Variants in PRAMEF11 observed in about 807,000 individuals in gnomAD.
PRAMEF11 encodes the protein PRAME family member 11.
A neutral mutation model predicts 33.6 loss-of-function variants in PRAMEF11; 17 were observed. That is an observed-to-expected ratio of 0.51 (90% CI 0.35 to 0.76). PRAMEF11 has a LOEUF of 0.76. Among genes scored for constraint, PRAMEF11 ranks in the 30% least tolerant of loss-of-function variants. The pLI, the probability that PRAMEF11 is intolerant of heterozygous loss-of-function variation, is 0.01. For missense variants in PRAMEF11, 568 were observed against 567.0 expected, an observed-to-expected ratio of 1.00 and a Z score of -0.02; for synonymous variants, 205 against 227.3, an observed-to-expected ratio of 0.90 and a Z score of 0.88.
rs767042339 is a variant in PRAMEF11, at chr1:12,827,673, C to T, written c.451G>A (p.Val151Met). ...PRMRGRQPLT[V>M]FVELWLKNRT... Reference sequence around the variant, plus strand: ...TTCTTGAGCCAAAGTTCTACAAACACAGTCAAGGGCTGCCGTCCTCTCATC... The same window carrying T: ...TTCTTGAGCCAAAGTTCTACAAACATAGTCAAGGGCTGCCGTCCTCTCATC... Residue 151 changes from valine (V) to methionine (M), a missense_variant, in exon 3 of 4, where the codon GTG becomes ATG. Physicochemically the swap from Val to Met is conservative, Grantham distance 21 (BLOSUM62 1). Around this residue, in one of 3 missense-constraint regions of PRAMEF11, gnomAD observed 342 missense variants for 312.0 expected, o/e 1.10. Coordinates refer to ENST00000619922, the MANE Select transcript of PRAMEF11 (RefSeq NM_001146344.3). 1 of 1,609,750 alleles carries T rather than the reference C, an allele frequency of 6.2e-7. No individual in the cohort carries two copies. The highest frequency in any genetic ancestry group is 8.5e-7 in the Non-Finnish European group (1 of 1,177,750).
At chr1:12,829,291 T>C (rs1027374396) in intron 1 of PRAMEF11, among the ~76,000 whole-genome samples, 3 of 145,264 alleles carry the variant, frequency 2.1e-5, no homozygotes, top group South Asian at 2.2e-4. Context: ...TCTTTTTTCC[T>C]TCTTTCCCTC....
chr1:12,829,272 T>TTC lies in PRAMEF11; in HGVS notation c.-16-469_-16-468dup, dbSNP rs767672871. 1.8e-4 allele frequency among the ~76,000 whole-genome samples: 27 copies of TTC among 150,556 alleles called. 1 individual carries two copies. The highest frequency in any genetic ancestry group is 6.6e-4 in the African/African-American group (27 of 41,180). ...TTCATTATTTAAGCTTGCTTTCTCTTTCTCTCTTTCTTTTTTCCTTCTTTC... is the reference window on the plus strand; with the variant it reads ...TTCATTATTTAAGCTTGCTTTCTCTTTCTCTCTCTTTCTTTTTTCCTTCTTTC... On this transcript the variant is annotated intron_variant, in intron 1 of 3. Transcript: ENST00000619922.
In PRAMEF11 at chr1:12,824,959, C is replaced by T. The variant is rs768027110; in HGVS notation, c.1420G>A (p.Asp474Asn). 27 of 1,609,264 alleles carry T rather than the reference C, an allele frequency of 1.7e-5. 1 individual carries two copies. The highest frequency in any genetic ancestry group is 2.2e-5 in the Non-Finnish European group (26 of 1,177,692). ...GDRSFYDLEA[D>N]QYCC The stretch of plus-strand genomic sequence containing the variant: ...GCAGGCATTCAACAGCAGTATTGAT[C>T]TGCCTCCAGGTCATAAAATGACCTG... Residue 474 changes from aspartate to asparagine, a missense_variant, in exon 4 of 4, where the codon GAT becomes AAT. Asp to Asn is a conservative substitution (Grantham distance 23, BLOSUM62 1). Transcript: ENST00000619922.
chr1:12,829,184 TA>T (rs1347390062), intron 1 of PRAMEF11, among the ~76,000 whole-genome samples: 1 of 151,484 alleles, frequency 6.6e-6, no homozygotes, highest in Admixed American at 6.6e-5. Context: ...TTTCAGTTCC[TA>T]AAAATAAGCT....
intron 3 of PRAMEF11, 133 bp downstream of exon 3, chr1:12,827,116 G>A: frequency 6.4e-7 from 1 of 1,551,356 alleles, no homozygotes; most frequent in South Asian, 1.2e-5. Context: ...CCGCCAACAG[G>A]ACAATGCATG....
rs1412630044 is a variant in PRAMEF11, at chr1:12,828,620, A to G, written c.170T>C (p.Met57Thr). 11 of 1,609,856 alleles carry G rather than the reference A, an allele frequency of 6.8e-6. No homozygotes were observed. In the African/African-American group the frequency reaches 1.1e-4, roughly 16 times the overall value. The change falls in exon 2 of 4, where the codon ATG becomes ACG. Residue 57 changes from methionine (M) to threonine (T), a missense_variant. By Grantham distance (81) the Met-to-Thr change is moderately conservative (BLOSUM62 -1). Coordinates refer to ENST00000619922, the MANE Select transcript of PRAMEF11 (RefSeq NM_001146344.3). ...GCGGCGGAAGGGCCAGGCCTGCACC[A>G]TCAGCTTCAGGGCCTCACAGCGTCT... ...SRRRCEALKL[M>T]VQAWPFRRLP...
chr1:12,827,910 T>C, intron 2 of PRAMEF11, 80 bp from the exon 3 acceptor site: 1 of 1,589,770 alleles, frequency 6.3e-7, no homozygotes, highest in Non-Finnish European at 8.5e-7. Flanking sequence ...TAGCAGCTCC[T>C]CCCCTCCCTG....
intron 2 of PRAMEF11, among the ~76,000 whole-genome samples, chr1:12,828,062 T>A (rs1218892824): frequency 6.7e-6 from 1 of 150,058 alleles, no homozygotes; most frequent in African/African-American, 2.4e-5. Context: ...GTCACCTCAC[T>A]GCAACCTCTT....
intron 1 of PRAMEF11, among the ~76,000 whole-genome samples, chr1:12,831,021 G>A (rs1333525809): frequency 6.8e-6 from 1 of 148,110 alleles, no homozygotes; most frequent in Admixed American, 6.8e-5. Flanking sequence ...AAAACGTTGT[G>A]TAGAGGAGGG....
intron 1 of PRAMEF11, 58 bp downstream of exon 1, chr1:12,831,297 TC>T (rs1640002114): frequency 6.6e-6 from 1 of 151,132 alleles, no homozygotes; most frequent in East Asian, 2.0e-4. Flanking sequence ...ACTGTCACCA[TC>T]CCAGACTGAC....
rs751014670 is a variant in PRAMEF11, at chr1:12,825,258, G to C, written c.1121C>G (p.Pro374Arg). 2.6e-5 allele frequency: 41 copies of C among 1,606,078 alleles called. No homozygotes were observed. In the Admixed American group the frequency reaches 3.2e-4, roughly 13 times the overall value. ...IIDSQVNAIL[P>R]ALSRCFELNT... ...GAGCTCAAAGCAGCGGCTCAGGGCA[G>C]GCAGGATGGCGTTGACTTGGGAGTC... Residue 374 changes from proline (P) to arginine (R), a missense_variant, in exon 4 of 4, where the codon CCT (proline) becomes CGT (arginine). Pro to Arg is a moderately radical substitution (Grantham distance 103). Coordinates refer to ENST00000619922, the MANE Select transcript of PRAMEF11 (RefSeq NM_001146344.3).
In PRAMEF11 at chr1:12,826,914, A is replaced by C. The variant is rs1326624154; in HGVS notation, c.875+335T>G. The stretch of plus-strand genomic sequence containing the variant: ...CTGCTAGGATTACAGGCATGAGCCA[A>C]CGCCCCTGGCCTATTTTTCATCATC... On this transcript the variant is annotated intron_variant, in intron 3 of 3. Transcript: ENST00000619922. Among the ~76,000 whole-genome samples the C allele has an allele frequency of 2.0e-3, 295 of 145,712 alleles. 6 individuals carry two copies. The highest frequency in any genetic ancestry group is 7.4e-3 in the Middle Eastern group (2 of 270).
At chr1:12,828,956 C>CCTCTGCCTCTG (rs1639947456) in intron 1 of PRAMEF11, among the ~76,000 whole-genome samples, 151 bp from the exon 2 acceptor site, 1 of 151,880 alleles carries the variant, frequency 6.6e-6, no homozygotes, top group Non-Finnish European at 1.5e-5. Flanking sequence ...GGCCATTAAG[C>CCTCTGCCTCTG]CAGCATTCTG....
At chr1:12,829,464 G>T (rs577621632) in intron 1 of PRAMEF11, among the ~76,000 whole-genome samples, 4 of 150,902 alleles carry the variant, frequency 2.7e-5, no homozygotes, top group African/African-American at 7.3e-5. Context: ...TGTAGTGGTG[G>T]GATCTCAGCT....
chr1:12,826,555 G>A lies in PRAMEF11; in HGVS notation c.875+694C>T, dbSNP rs796914303. Among the ~76,000 whole-genome samples the A allele has an allele frequency of 6.6e-5, 10 of 150,804 alleles. No individual in the cohort carries two copies. The South Asian group carries it at 8.6e-4, about 13-fold the overall frequency. On this transcript the variant is annotated intron_variant, in intron 3 of 3. Transcript: ENST00000619922. ...GGTGGGTGGATCACCTGAAATCAGGGGTTGGAGAATAACCTGGCCAAAATG... is the reference window on the plus strand; with the variant it reads ...GGTGGGTGGATCACCTGAAATCAGGAGTTGGAGAATAACCTGGCCAAAATG...
In PRAMEF11 at chr1:12,828,677, A is replaced by T. The variant is rs568931945; in HGVS notation, c.113T>A (p.Phe38Tyr). The change falls in exon 2 of 4, where the codon TTC (phenylalanine) becomes TAC (tyrosine). Residue 38 changes from phenylalanine to tyrosine, a missense_variant. Coordinates refer to ENST00000619922, the MANE Select transcript of PRAMEF11 (RefSeq NM_001146344.3). ...STLEELPTEL[F>Y]PPLFMEAFSR... ...GAAGGCCTCCATGAACAGTGGGGGG[A>T]AAAGTTCCGTGGGCAGCTCCTCCAG... The T allele has an allele frequency of 1.1e-5, 17 of 1,610,250 alleles. 1 individual carries two copies. The East Asian group carries it at 3.4e-4, about 32-fold the overall frequency.
rs4997348 is a variant in PRAMEF11 at position 12,826,529 on chromosome 1, A to T, written c.875+720T>A. On this transcript the variant is annotated intron_variant, in intron 3 of 3. Transcript: ENST00000619922. Reference sequence around the variant, plus strand: ...ATAATCCCAGCACTTTGGGAGTCCAAGGTGGGTGGATCACCTGAAATCAGG... The same window carrying T: ...ATAATCCCAGCACTTTGGGAGTCCATGGTGGGTGGATCACCTGAAATCAGG... Among the ~76,000 whole-genome samples, 175 of 151,104 alleles carry T rather than the reference A, an allele frequency of 1.2e-3. 7 individuals are homozygous for T. Among genetic ancestry groups the T allele is most frequent in the Non-Finnish European group, 2.2e-3 (149 of 67,628 alleles).
chr1:12,828,015 T>G (rs936469638), intron 2 of PRAMEF11, among the ~76,000 whole-genome samples, 185 bp from the exon 3 acceptor site: 3 of 149,548 alleles, frequency 2.0e-5, no homozygotes, highest in Non-Finnish European at 4.4e-5. Context: ...AGACCAAGTC[T>G]CCTTCTGTCG....
Position 12,824,791 on chromosome 1 carries a change from C to A in PRAMEF11, c.*151G>T, listed in dbSNP as rs1473484059. On this transcript the variant is annotated 3_prime_UTR_variant, in exon 4 of 4. Transcript: ENST00000619922. ...GGCAACATTTCCCCCAAGTCCTGCCCCTGCTTGATCAGCTTTCCTTTCCCA... is the reference window on the plus strand; with the variant it reads ...GGCAACATTTCCCCCAAGTCCTGCCACTGCTTGATCAGCTTTCCTTTCCCA... 1.1e-5 allele frequency: 14 copies of A among 1,266,800 alleles called. No individual in the cohort carries two copies. In the South Asian group the frequency reaches 1.4e-4, roughly 13 times the overall value. 78.5% of individuals were successfully genotyped at this position (1,266,800 alleles called of 1,614,324 possible).
Sources: gnomAD v4.1 joint callset for allele counts (sites outside exome capture counted in the v4.1 genomes callset) on GRCh38, gnomAD v4.1.1 for gene constraint, gnomAD v4.1.1 regional missense constraint, MANE v1.5 for transcripts, NCBI Gene and HGNC (gene_info 2026-07-23, HGNC 2026-07-21) for gene names.